The following PSMG2 variants were observed in gnomAD, a reference collection of about 807,000 sequenced individuals.
The protein encoded by PSMG2 is CD40 ligand-activated specific transcript 3.
A neutral mutation model predicts 31.5 loss-of-function variants in PSMG2; 21 were observed. The ratio of observed to expected loss-of-function variants is 0.67; its 90% CI spans 0.47 to 0.96. PSMG2 has a LOEUF of 0.96. Ranked by LOEUF, PSMG2 falls within the 40% of genes least tolerant of loss-of-function variation. The probability of loss-of-function intolerance (pLI) is 0.00; values close to 1 mark genes in which losing one functional copy is unlikely to be tolerated. For missense variants in PSMG2, 318 were observed against 321.2 expected (o/e 0.99, Z 0.08); for synonymous variants, 120 against 110.4 (o/e 1.09, Z -0.54).
chr18:12,669,613 C>G (rs12965990), intron 1 of PSMG2, among the ~76,000 whole-genome samples: 1 of 151,942 alleles, frequency 6.6e-6, no homozygotes, highest in Non-Finnish European at 1.5e-5. Context: ...GTCAAGAACA[C>G]CACCTTGGAG....
intron 5 of PSMG2, among the ~76,000 whole-genome samples, chr18:12,723,682 G>A (rs947812115): frequency 3.3e-5 from 5 of 152,102 alleles, no homozygotes; most frequent in Admixed American, 6.5e-5. Context: ...TTGAGCCAGC[G>A]CGCCCAGCCT....
chr18:12,698,830 G>A, upstream of PSMG2: 1 of 611,980 alleles, frequency 1.6e-6, no homozygotes, highest in Non-Finnish European at 2.9e-6. Flanking sequence ...AAGGTGGATA[G>A]TAGTTTAAAT....
chr18:12,699,549 T>C (rs138622349), upstream of PSMG2, among the ~76,000 whole-genome samples: 10 of 152,306 alleles, frequency 6.6e-5, no homozygotes, highest in African/African-American at 2.4e-4. Context: ...AGCAAGTGTA[T>C]TTGTCAATTA....
chr18:12,688,833 G>A (rs1031009543), intron 1 of PSMG2, among the ~76,000 whole-genome samples: 4 of 152,154 alleles, frequency 2.6e-5, no homozygotes, highest in African/African-American at 9.7e-5. Context: ...AAAAGTTCTT[G>A]GCCAGGTGTG....
rs183404376 is a variant in PSMG2, at chr18:12,666,693, C to T, written c.-37+7920C>T. ...TCGAACTCCTCACTCAATTGATCTA[C>T]CTGCCTTGGCCTCCTAAAGGGGTGG... On this transcript the variant is annotated intron_variant, in intron 1 of 6. Transcript: ENST00000585331. Among the ~76,000 whole-genome samples the T allele has an allele frequency of 7.2e-5, 11 of 151,884 alleles. No homozygotes were observed. In the East Asian group the frequency reaches 2.1e-3, roughly 29 times the overall value.
chr18:12,681,390 G>A (rs1424062919), intron 1 of PSMG2, among the ~76,000 whole-genome samples: 5 of 151,324 alleles, frequency 3.3e-5, no homozygotes, highest in African/African-American at 1.2e-4. Flanking sequence ...GGGACTAAAG[G>A]TGTGCACCAT....
chr18:12,709,074 C>A (rs1437174194), intron 2 of PSMG2, among the ~76,000 whole-genome samples: 1 of 142,258 alleles, frequency 7.0e-6, no homozygotes, highest in Non-Finnish European at 1.5e-5. Flanking sequence ...TTGAGACAGT[C>A]TCGCCCTGTT....
At chr18:12,698,438 G>A (rs2040037979), upstream of PSMG2, among the ~76,000 whole-genome samples, 2 of 152,098 alleles carry the variant, frequency 1.3e-5, no homozygotes, top group Admixed American at 1.3e-4. Context: ...CAAAGTGCTG[G>A]GATTACAGGC....
intron 5 of PSMG2, among the ~76,000 whole-genome samples, chr18:12,722,881 C>G (rs893421928): frequency 3.9e-5 from 6 of 152,204 alleles, no homozygotes; most frequent in African/African-American, 1.4e-4. Flanking sequence ...AAAATGCAAG[C>G]ACAGCCTCGG....
chr18:12,685,490 G>A (rs539193911), intron 1 of PSMG2: 42 of 152,174 alleles, frequency 2.8e-4, no homozygotes, highest in African/African-American at 9.2e-4. Context: ...AAATAAAGAT[G>A]CTGAGTTTTT....
At chr18:12,694,921 T>TAGCCAGGATGGTC (rs1421598967) in intron 1 of PSMG2, among the ~76,000 whole-genome samples, 1 of 151,652 alleles carries the variant, frequency 6.6e-6, no homozygotes, top group Non-Finnish European at 1.5e-5. Flanking sequence ...TTCACCGTGT[T>TAGCCAGGATGGTC]AGCCAGGATG....
chr18:12,707,049 G>A (rs756210761), intron 2 of PSMG2, among the ~76,000 whole-genome samples: 2 of 152,062 alleles, frequency 1.3e-5, no homozygotes, highest in African/African-American at 4.8e-5. Context: ...TCCGCCTCCC[G>A]GGTTCACGCC....
upstream of PSMG2, among the ~76,000 whole-genome samples, chr18:12,698,563 G>T (rs2040041959): frequency 6.6e-6 from 1 of 152,104 alleles, no homozygotes; most frequent in Non-Finnish European, 1.5e-5. Flanking sequence ...ACCTCCCAAA[G>T]TGTTGGGATT....
At chr18:12,687,231 C>G (rs1040948358) in intron 1 of PSMG2, among the ~76,000 whole-genome samples, 13 of 152,120 alleles carry the variant, frequency 8.5e-5, no homozygotes, top group Non-Finnish European at 1.8e-4. Flanking sequence ...GAGATCTAAC[C>G]CAGCCAAAAG....
rs1026742820 is a variant in PSMG2, at chr18:12,717,095, G to A, written c.289-1422G>A. On this transcript the variant is annotated intron_variant, in intron 3 of 6. Coordinates refer to ENST00000317615, the MANE Select transcript of PSMG2 (RefSeq NM_020232.5). ...CTCCTGAGTACCTGGGGCTACAGAC[G>A]TGCACTACCATGTGTAATAATTTTT... Among the ~76,000 whole-genome samples the A allele has an allele frequency of 1.1e-4, 16 of 151,204 alleles. No homozygotes were observed. The East Asian group carries it at 2.3e-3, about 22-fold the overall frequency.
At chr18:12,724,475 G>A in intron 5 of PSMG2, 24 bp from the exon 6 acceptor site, 1 of 1,577,476 alleles carries the variant, frequency 6.3e-7, no homozygotes, top group Non-Finnish European at 8.6e-7. Context: ...AAAGAATACT[G>A]ATTCTTATTT....
intron 1 of PSMG2, chr18:12,695,249 T>C: frequency 7.5e-7 from 1 of 1,340,696 alleles, no homozygotes; most frequent in South Asian, 1.3e-5. Context: ...CTCATAAGTA[T>C]TTACCTGTGT....
chr18:12,719,718 T>C (rs997713183), intron 4 of PSMG2, among the ~76,000 whole-genome samples: 4 of 150,166 alleles, frequency 2.7e-5, no homozygotes, highest in South Asian at 2.1e-4. Context: ...TTTTCCTCTT[T>C]TTTTTTTTGA....
upstream of PSMG2, chr18:12,702,315 G>T: frequency 1.8e-6 from 1 of 561,828 alleles, no homozygotes; most frequent in East Asian, 3.4e-5. Flanking sequence ...TCTCGGAGAC[G>T]AGGACGCTCT....
Sources: allele counts gnomAD v4.1 joint callset (sites outside exome capture counted in the v4.1 genomes callset), GRCh38; gene constraint gnomAD v4.1.1; transcripts MANE v1.5; gene names NCBI Gene and HGNC (gene_info 2026-07-23, HGNC 2026-07-21).